Variants in L1TD1 observed in about 807,000 individuals in gnomAD.
L1TD1 encodes the protein LINE1 type transposase domain containing 1.
A neutral mutation model predicts 25.7 loss-of-function variants in L1TD1; 26 were observed. That is an observed-to-expected ratio of 1.01 (90% CI 0.74 to 1.40). L1TD1 has a LOEUF of 1.40. L1TD1 is among the 40% of genes most tolerant of loss of function. The pLI is 0.00. For synonymous variants in L1TD1, 421 were observed against 335.6 expected, an observed-to-expected ratio of 1.25 and a Z score of -2.78; for missense variants, 1,130 against 975.0, an observed-to-expected ratio of 1.16 and a Z score of -2.12.
intron 3 of L1TD1, 70 bp downstream of exon 3, chr1:62,207,706 G>C (rs1670780931): frequency 7.0e-7 from 1 of 1,423,892 alleles, no homozygotes; most frequent in Non-Finnish European, 9.2e-7. Flanking sequence ...TTATTTTGAA[G>C]GATAAATCAA....
chr1:62,208,134 C>A, intron 3 of L1TD1: 1 of 153,250 alleles, frequency 6.5e-6, no homozygotes, highest in Non-Finnish European at 1.5e-5. Flanking sequence ...GGGCCTTAGT[C>A]CTTCTTGGCA....
At chr1:62,198,609 T>G (rs192240905) in intron 2 of L1TD1, among the ~76,000 whole-genome samples, 1 of 151,124 alleles carries the variant, frequency 6.6e-6, no homozygotes, top group Admixed American at 6.6e-5. Context: ...GATAAACATA[T>G]GAAAAGATGG....
chr1:62,198,184 C>CT (rs916524256), intron 2 of L1TD1, among the ~76,000 whole-genome samples: 4 of 152,132 alleles, frequency 2.6e-5, no homozygotes, highest in Admixed American at 2.6e-4. Context: ...AAACCAGGCA[C>CT]TTTATCTTGG....
At chr1:62,196,807 G>A (rs1670551726) in intron 2 of L1TD1, among the ~76,000 whole-genome samples, 1 of 151,968 alleles carries the variant, frequency 6.6e-6, no homozygotes. Flanking sequence ...GGCCAGGGTG[G>A]TCTCGAGCTC....
rs768611103 is a variant in L1TD1, at chr1:62,207,061, A to T, written c.433A>T (p.Lys145Ter). The T allele has an allele frequency of 2.5e-6, 4 of 1,613,980 alleles. No individual in the cohort carries two copies. The highest frequency in any genetic ancestry group is 2.5e-6 in the Non-Finnish European group (3 of 1,179,948). ...FKLEVNELSG[K>*]LDNTNEYNSN... Reference sequence around the variant, plus strand: ...ATTAGAAGTAAATGAGCTGAGTGGTAAATTAGACAACACTAACGAATACAA... The same window carrying T: ...ATTAGAAGTAAATGAGCTGAGTGGTTAATTAGACAACACTAACGAATACAA... The change falls in exon 3 of 4, where the codon AAA (lysine) becomes TAA (stop). Residue 145 changes from lysine (K) to a stop codon, truncating the protein, a stop_gained. Transcript: ENST00000498273. LOFTEE classifies it high-confidence loss of function.
chr1:62,199,261 G>T (rs1043706087), intron 2 of L1TD1, among the ~76,000 whole-genome samples: 1 of 152,142 alleles, frequency 6.6e-6, no homozygotes, highest in African/African-American at 2.4e-5. Context: ...ACTTTGGGAG[G>T]CTGAGGCAGG....
intron 3 of L1TD1, among the ~76,000 whole-genome samples, chr1:62,209,389 A>T (rs1670813768): frequency 6.6e-6 from 1 of 151,544 alleles, no homozygotes; most frequent in Admixed American, 6.6e-5. Context: ...CCTAAAGCAG[A>T]TTGTAAACTT....
At chr1:62,201,490 T>TAAAAA (rs57780936) in intron 2 of L1TD1, among the ~76,000 whole-genome samples, 28 of 132,894 alleles carry the variant, frequency 2.1e-4, no homozygotes, top group Non-Finnish European at 2.8e-4. Flanking sequence ...AGACCCTGCT[T>TAAAAA]AAAAAAAAAA....
Position 62,211,840 on chromosome 1 carries a change from C to G in L1TD1, c.*468C>G, listed in dbSNP as rs991557149. On this transcript the variant is annotated 3_prime_UTR_variant, in exon 4 of 4. Transcript: ENST00000498273. ...ATTAGCCGGGCATGGTGGCGGGCGC[C>G]TGTAGTCCCAGCTACTTGGGAGGCT... 1.3e-5 allele frequency: 2 copies of G among 153,214 alleles called. No individual in the cohort carries two copies. The allele number at this position is 153,214 out of a possible 1,614,324, so 9.5% of individuals were successfully genotyped here.
In L1TD1 at chr1:62,209,998, AGAGCCCTCAGGGCTGGAGGAGGAAG is replaced by A; in HGVS notation, c.1225_1249del (p.Glu409LysfsTer16). 6.8e-7 allele frequency: 1 copy of A among 1,471,108 alleles called. No homozygotes were observed. The highest frequency in any genetic ancestry group is 9.3e-7 in the Non-Finnish European group (1 of 1,071,998). The allele number at this position is 1,471,108 out of a possible 1,614,324, so 91.1% of individuals were successfully genotyped here. A position where few individuals can be genotyped will look rare whatever the true frequency, so the allele number is the denominator to read the frequency against. On this transcript the variant is annotated frameshift_variant, in exon 4 of 4. Transcript: ENST00000498273. LOFTEE classifies it low-confidence loss of function (END_TRUNC). Reference sequence around the variant, plus strand: ...CCTCAGGGCTGGAGGAGGAGGAGGAAGAGCCCTCAGGGCTGGAGGAGGAAGAAGAAGAAGAGGCTTCAGGGTTGGA... The same window carrying A: ...CCTCAGGGCTGGAGGAGGAGGAGGAAAAGAAGAAGAGGCTTCAGGGTTGGA...
At chr1:62,207,800 C>A (rs1174972065) in intron 3 of L1TD1, among the ~76,000 whole-genome samples, 164 bp downstream of exon 3, 1 of 152,106 alleles carries the variant, frequency 6.6e-6, no homozygotes, top group Non-Finnish European at 1.5e-5. Context: ...ACAACCTCTG[C>A]CTCCCAGGTT....
At position 62,210,538 on chromosome 1, in the gene L1TD1, A is replaced by G. The variant is rs1290202621; in HGVS notation, c.1764A>G (p.Lys588=). 1.2e-6 allele frequency: 2 copies of G among 1,612,870 alleles called. No homozygotes were observed. The highest frequency in any genetic ancestry group is 2.2e-5 in the South Asian group (2 of 90,692). ...CAACAGGAGTCACCAAACTTAAGAAAACAGAAGAAAAGAAACACAGAACTC... is the reference window on the plus strand; with the variant it reads ...CAACAGGAGTCACCAAACTTAAGAAGACAGAAGAAAAGAAACACAGAACTC... ...SISTGVTKLK[K]TEEKKHRTLH... is the part of the protein sequence containing the mutation. Residue 588 remains lysine (K), a synonymous_variant, in exon 4 of 4, where the codon AAA becomes AAG. Transcript: ENST00000498273.
rs774469266 is a variant in L1TD1, at chr1:62,210,353, C to T, written c.1579C>T (p.Gln527Ter). 9 of 1,613,794 alleles carry T rather than the reference C, an allele frequency of 5.6e-6. No homozygotes were observed. The Admixed American group carries it at 1.3e-4, about 24-fold the overall frequency. ...TGGGAAGAAAAAGTTGGTGAAACAC[C>T]AGGTGGTGCACAAAACCCAGGAGGA... ...DSGKKKLVKH[Q>*]VVHKTQEEEE... Residue 527 changes from glutamine to a stop codon, truncating the protein, a stop_gained, in exon 4 of 4, where the codon CAG (glutamine) becomes TAG (stop). Transcript: ENST00000498273. LOFTEE classifies it low-confidence loss of function (END_TRUNC).
At chr1:62,204,319 C>G (rs1320459909) in intron 2 of L1TD1, among the ~76,000 whole-genome samples, 1 of 152,030 alleles carries the variant, frequency 6.6e-6, no homozygotes, top group Non-Finnish European at 1.5e-5. Context: ...CTAGAAAATT[C>G]TAAAATTTTA....
intron 2 of L1TD1, 101 bp from the exon 3 acceptor site, chr1:62,206,418 T>C (rs1294529095): frequency 9.4e-6 from 3 of 320,316 alleles, no homozygotes; most frequent in East Asian, 5.3e-5. Flanking sequence ...TAATTTATTA[T>C]GGAGTGCACC....
Position 62,210,116 on chromosome 1 carries a change from G to T in L1TD1, c.1342G>T (p.Gly448Cys), listed in dbSNP as rs1199182528. ...QTSEQDSTFQGHTLVDAKHEV... is the reference protein window; with the variant it reads ...QTSEQDSTFQCHTLVDAKHEV... ...TTCAGAACAGGACTCAACCTTTCAG[G>T]GTCATACTTTGGTAGATGCAAAGCA... The change falls in exon 4 of 4, where the codon GGT (glycine) becomes TGT (cysteine). Residue 448 changes from glycine to cysteine, a missense_variant. Transcript: ENST00000498273. The T allele has an allele frequency of 6.2e-7, 1 of 1,613,796 alleles. No individual in the cohort carries two copies. Among genetic ancestry groups the T allele is most frequent in the Non-Finnish European group, 8.5e-7 (1 of 1,179,996 alleles).
At chr1:62,209,413 A>G (rs1670814022) in intron 3 of L1TD1, among the ~76,000 whole-genome samples, 1 of 152,070 alleles carries the variant, frequency 6.6e-6, no homozygotes, top group Non-Finnish European at 1.5e-5. Flanking sequence ...CCAGATTACA[A>G]TGCCTATTTA....
At chr1:62,197,685 C>T (rs866371112) in intron 2 of L1TD1, among the ~76,000 whole-genome samples, 4 of 151,546 alleles carry the variant, frequency 2.6e-5, no homozygotes, top group South Asian at 2.1e-4. Flanking sequence ...TGGAGACCAG[C>T]CTGGCCAACA....
chr1:62,196,891 C>T (rs1050785062), intron 2 of L1TD1, among the ~76,000 whole-genome samples: 3 of 151,862 alleles, frequency 2.0e-5, no homozygotes, highest in Non-Finnish European at 4.4e-5. Context: ...TGCGCCTGGA[C>T]TGGGGAGGGG....
Sources: gnomAD v4.1 joint callset for allele counts (sites outside exome capture counted in the v4.1 genomes callset) on GRCh38, gnomAD v4.1.1 for gene constraint, MANE v1.5 for transcripts, NCBI Gene and HGNC (gene_info 2026-07-23, HGNC 2026-07-21) for gene names.